CASK: variants seen among roughly 807,000 people sequenced by gnomAD.
CASK encodes the protein peripheral plasma membrane protein CASK.
A neutral mutation model predicts 82.9 loss-of-function variants in CASK; 4 were observed. That is an observed-to-expected ratio of 0.05 (90% CI 0.02 to 0.11). CASK has a LOEUF of 0.11. Ranked by LOEUF, CASK falls within the 10% of genes least tolerant of loss-of-function variation. The pLI is 1.00. For synonymous variants in CASK, 259 were observed against 253.5 expected (o/e 1.02, Z -0.20); for missense variants, 358 against 720.9 (o/e 0.50, Z 5.76).
chrX:41,656,194 T>A (rs1325761712), intron 8 of CASK, among the ~76,000 whole-genome samples: 4 of 111,889 alleles, frequency 3.6e-5, no homozygotes, highest in African/African-American at 1.3e-4. Context: ...TTCTTTTGTA[T>A]CATTTCAGGC....
intron 3 of CASK, among the ~76,000 whole-genome samples, chrX:41,754,243 A>C (rs1040586590): frequency 9.1e-6 from 1 of 110,168 alleles, no homozygotes; most frequent in East Asian, 2.9e-4. Flanking sequence ...TTCAAATAAT[A>C]ATAATAAAAA....
intron 2 of CASK, among the ~76,000 whole-genome samples, chrX:41,833,475 G>A (rs905912916): frequency 2.2e-4 from 25 of 111,358 alleles, no homozygotes; most frequent in African/African-American, 7.8e-4. Context: ...ATTGCCAGAG[G>A]CTGGGAGGGG....
rs766363998 is a variant in CASK at position 41,883,865 on chromosome X, G to T, written c.60-30638C>A. Among the ~76,000 whole-genome samples, 3 of 111,500 alleles carry T rather than the reference G, an allele frequency of 2.7e-5. No homozygotes were observed. In the East Asian group the frequency reaches 8.5e-4, roughly 32 times the overall value. On this transcript the variant is annotated intron_variant, in intron 1 of 26. Coordinates refer to ENST00000378163, the MANE Select transcript of CASK (RefSeq NM_001367721.1). ...AGCCAGGGGCCTGCTTGGAGCAAAA[G>T]AAATCACCCTGTACTAGTCAGTTCA...
chrX:41,849,899 C>T (rs1385345428), intron 2 of CASK, among the ~76,000 whole-genome samples: 1 of 112,336 alleles, frequency 8.9e-6, no homozygotes, highest in Non-Finnish European at 1.9e-5. Context: ...AATTTGTGGG[C>T]TGGGAGTGGA....
chrX:41,750,521 T>C (rs1476050846), intron 3 of CASK, among the ~76,000 whole-genome samples: 1 of 111,620 alleles, frequency 9.0e-6, no homozygotes, highest in Non-Finnish European at 1.9e-5. Flanking sequence ...GAAGAAACCC[T>C]CCTATGGAAG....
chrX:41,776,262 C>T (rs1602606451), intron 3 of CASK, among the ~76,000 whole-genome samples: 1 of 111,855 alleles, frequency 8.9e-6, no homozygotes, highest in South Asian at 3.7e-4. Flanking sequence ...TACCACTAGT[C>T]GATAGGAATT....
intron 8 of CASK, among the ~76,000 whole-genome samples, chrX:41,659,012 G>A (rs1285760913): frequency 6.3e-5 from 7 of 111,047 alleles, no homozygotes; most frequent in African/African-American, 1.6e-4. Context: ...GTCAGGAGAA[G>A]GTATTATGTC....
At chrX:41,723,346 A>T (rs1222004883) in intron 5 of CASK, among the ~76,000 whole-genome samples, 1 of 112,092 alleles carries the variant, frequency 8.9e-6, no homozygotes, top group Non-Finnish European at 1.9e-5. Flanking sequence ...AGATGTACAC[A>T]CTTAGCTTTC....
chrX:41,888,332 A>ATT (rs939839936), intron 1 of CASK, among the ~76,000 whole-genome samples: 5 of 107,431 alleles, frequency 4.7e-5, no homozygotes, highest in Non-Finnish European at 9.7e-5. Flanking sequence ...TGATTCATTT[A>ATT]TTTTTTTTTT....
At chrX:41,634,251 A>G (rs995000622) in intron 9 of CASK, among the ~76,000 whole-genome samples, 1 of 112,473 alleles carries the variant, frequency 8.9e-6, no homozygotes, top group African/African-American at 3.2e-5. Flanking sequence ...TCTCTGTTCT[A>G]GAAGTCCACT....
intron 16 of CASK, among the ~76,000 whole-genome samples, chrX:41,563,606 C>G (rs765034190): frequency 9.1e-6 from 1 of 109,651 alleles, no homozygotes; most frequent in Non-Finnish European, 1.9e-5. Flanking sequence ...TAGAAATGAA[C>G]AGGGGCATAA....
At chrX:41,750,544 G>A (rs1472008883) in intron 3 of CASK, among the ~76,000 whole-genome samples, 1 of 111,909 alleles carries the variant, frequency 8.9e-6, no homozygotes, top group African/African-American at 3.2e-5. Context: ...TATGGGGGAG[G>A]TGGACTTCTA....
chrX:41,647,363 T>A (rs948643420), intron 8 of CASK, among the ~76,000 whole-genome samples: 1 of 112,023 alleles, frequency 8.9e-6, no homozygotes, highest in Non-Finnish European at 1.9e-5. Context: ...GAAACAAATT[T>A]TTGAAGCCTC....
At chrX:41,771,849 T>C (rs1467412895) in intron 3 of CASK, among the ~76,000 whole-genome samples, 1 of 110,664 alleles carries the variant, frequency 9.0e-6, no homozygotes, top group East Asian at 2.8e-4. Context: ...TAAATGTAAA[T>C]GGACTAAATG....
chrX:41,592,559 G>A (rs375763139), intron 12 of CASK, among the ~76,000 whole-genome samples: 5 of 110,871 alleles, frequency 4.5e-5, no homozygotes, highest in African/African-American at 1.6e-4. Flanking sequence ...ACGTGTGGCC[G>A]AATCAGATGT....
chrX:41,612,115 C>G (rs1243243094), intron 11 of CASK, among the ~76,000 whole-genome samples: 2 of 111,973 alleles, frequency 1.8e-5, no homozygotes, highest in East Asian at 5.8e-4. Flanking sequence ...TCTGCCCGGC[C>G]GCCACCCCGT....
intron 6 of CASK, among the ~76,000 whole-genome samples, chrX:41,669,837 G>A (rs746886534): frequency 1.8e-5 from 2 of 111,601 alleles, no homozygotes; most frequent in Admixed American, 9.6e-5. Context: ...TTCAGGCCCT[G>A]TACTTTGTGG....
chrX:41,842,788 C>T (rs1028980918), intron 2 of CASK, among the ~76,000 whole-genome samples: 1 of 111,394 alleles, frequency 9.0e-6, no homozygotes, highest in African/African-American at 3.3e-5. Flanking sequence ...AATATTAAGT[C>T]TTCTAGTAGG....
intron 12 of CASK, among the ~76,000 whole-genome samples, chrX:41,599,027 T>C (rs1238604688): frequency 9.0e-6 from 1 of 111,630 alleles, no homozygotes; most frequent in Non-Finnish European, 1.9e-5. Context: ...AAAAAGTGTG[T>C]AAATTCCTAA....
Sources: allele counts gnomAD v4.1 joint callset (sites outside exome capture counted in the v4.1 genomes callset), GRCh38; gene constraint gnomAD v4.1.1; transcripts MANE v1.5; gene names NCBI Gene and HGNC (gene_info 2026-07-23, HGNC 2026-07-21).